Variants in POU2F3 observed in about 807,000 individuals in gnomAD.
POU2F3 encodes the protein POU class 2 homeobox 3, also known as POU domain, class 2, transcription factor 3.
In POU2F3, 23 loss-of-function variants were observed where a neutral mutation model predicts 59.2. The ratio of observed to expected loss-of-function variants is 0.39; its 90% CI spans 0.28 to 0.55. POU2F3 has a LOEUF of 0.55. Ranked by LOEUF, POU2F3 falls within the 20% of genes least tolerant of loss-of-function variation. POU2F3 has a pLI of 0.66. For synonymous variants in POU2F3, 190 were observed against 214.6 expected (o/e 0.89, Z 1.00); for missense variants, 473 against 544.5 (o/e 0.87, Z 1.31).
chr11:120,274,686 A>C (rs929197946), intron 3 of POU2F3, among the ~76,000 whole-genome samples: 1 of 152,192 alleles, frequency 6.6e-6, no homozygotes, highest in African/African-American at 2.4e-5. Flanking sequence ...GACAGGCAGG[A>C]CTGAAGATGC....
intron 3 of POU2F3, among the ~76,000 whole-genome samples, chr11:120,280,248 G>A (rs975711155): frequency 1.3e-5 from 2 of 152,152 alleles, no homozygotes; most frequent in Admixed American, 1.3e-4. Flanking sequence ...ACAGGCAGTG[G>A]GTTGAGTGCT....
chr11:120,257,334 T>C (rs987521991), intron 2 of POU2F3, among the ~76,000 whole-genome samples: 4 of 151,944 alleles, frequency 2.6e-5, no homozygotes, highest in Non-Finnish European at 5.9e-5. Context: ...TTTGGTTTTG[T>C]TCCTTTCTGC....
At chr11:120,263,099 C>T (rs1379712419) in intron 2 of POU2F3, among the ~76,000 whole-genome samples, 1 of 152,094 alleles carries the variant, frequency 6.6e-6, no homozygotes, top group African/African-American at 2.4e-5. Flanking sequence ...TCAAGCAATT[C>T]TCCTGCCTCA....
At chr11:120,310,549 G>C (rs1941624922) in intron 10 of POU2F3, among the ~76,000 whole-genome samples, 1 of 152,162 alleles carries the variant, frequency 6.6e-6, no homozygotes, top group Non-Finnish European at 1.5e-5. Context: ...ATGAAGTTTA[G>C]GGGGCAGGAA....
At chr11:120,273,448 T>G (rs1011241260) in intron 3 of POU2F3, among the ~76,000 whole-genome samples, 3 of 152,156 alleles carry the variant, frequency 2.0e-5, no homozygotes, top group Non-Finnish European at 4.4e-5. Flanking sequence ...GGCAGGAATA[T>G]TCCAGGCCTA....
At position 120,318,461 on chromosome 11, in the gene POU2F3, A is replaced by G. The variant is rs1941844058; in HGVS notation, c.*69A>G. 15 of 1,432,468 alleles carry G rather than the reference A, an allele frequency of 1.0e-5. No individual in the cohort carries two copies. Among genetic ancestry groups the G allele is most frequent in the African/African-American group, 1.4e-5 (1 of 70,954 alleles). 88.7% of individuals were successfully genotyped at this position (1,432,468 alleles called of 1,614,324 possible). On this transcript the variant is annotated 3_prime_UTR_variant, in exon 13 of 13. Transcript: ENST00000543440. ...TGGAAGGAAGGGAATCATGCCTTCT[A>G]TATACAGACAGATTGCCTTCAGAAG...
chr11:120,263,658 T>C (rs1203609194), intron 2 of POU2F3, among the ~76,000 whole-genome samples: 1 of 152,244 alleles, frequency 6.6e-6, no homozygotes, highest in Non-Finnish European at 1.5e-5. Flanking sequence ...GCTGTTGTCC[T>C]GGTTCAGGTT....
At chr11:120,257,163 G>GTT (rs1368371476) in intron 2 of POU2F3, among the ~76,000 whole-genome samples, 3 of 152,180 alleles carry the variant, frequency 2.0e-5, no homozygotes, top group African/African-American at 7.2e-5. Context: ...CTGCCAAAGT[G>GTT]TTGGAAAATT....
chr11:120,282,977 A>G (rs1181346279), intron 3 of POU2F3, among the ~76,000 whole-genome samples: 1 of 152,222 alleles, frequency 6.6e-6, no homozygotes, highest in Non-Finnish European at 1.5e-5. Flanking sequence ...GGCAGTAAAC[A>G]TGGGTTCCTG....
intron 2 of POU2F3, among the ~76,000 whole-genome samples, chr11:120,255,839 G>A (rs918565746): frequency 1.3e-5 from 2 of 152,284 alleles, no homozygotes; most frequent in South Asian, 2.1e-4. Context: ...GGACCACTGC[G>A]TGAATTCTGG....
At chr11:120,270,045 T>G (rs1340195156) in intron 3 of POU2F3, among the ~76,000 whole-genome samples, 1 of 151,498 alleles carries the variant, frequency 6.6e-6, no homozygotes, top group African/African-American at 2.4e-5. Flanking sequence ...AGTCCTAGAG[T>G]GAGGGAGAGG....
At position 120,318,626 on chromosome 11, in the gene POU2F3, A is replaced by G; in HGVS notation, c.*234A>G. 2.1e-6 allele frequency: 1 copy of G among 477,574 alleles called. No individual in the cohort carries two copies. The allele number at this position is 477,574 out of a possible 1,614,324, so 29.6% of individuals were successfully genotyped here. A position where few individuals can be genotyped will look rare whatever the true frequency, so the allele number is the denominator to read the frequency against. ...AATACACAGCCCCTCCTAGGAGCTT[A>G]CCATTTTCACCTTCCTTGCCTATGC... On this transcript the variant is annotated 3_prime_UTR_variant, in exon 13 of 13. Coordinates refer to ENST00000543440, the MANE Select transcript of POU2F3 (RefSeq NM_014352.4).
intron 9 of POU2F3, among the ~76,000 whole-genome samples, chr11:120,308,073 C>A (rs977784416): frequency 3.3e-5 from 5 of 152,124 alleles, no homozygotes; most frequent in African/African-American, 9.7e-5. Context: ...AGAAAAAAAA[C>A]GCCCATCGCC....
chr11:120,270,163 T>C (rs1205974633), intron 3 of POU2F3, among the ~76,000 whole-genome samples: 2 of 152,200 alleles, frequency 1.3e-5, no homozygotes, highest in Non-Finnish European at 2.9e-5. Flanking sequence ...GTCTGAGTTT[T>C]CTCAACTGAA....
At chr11:120,304,913 A>G in intron 6 of POU2F3, 117 bp from the exon 7 acceptor site, 1 of 743,326 alleles carries the variant, frequency 1.3e-6, no homozygotes, top group Non-Finnish European at 2.0e-6. Flanking sequence ...GTATCCAGGG[A>G]TCTGTCATCC....
At chr11:120,268,111 C>A (rs557028917) in intron 2 of POU2F3, among the ~76,000 whole-genome samples, 1 of 151,920 alleles carries the variant, frequency 6.6e-6, no homozygotes, top group Non-Finnish European at 1.5e-5. Flanking sequence ...AGCATAGAAG[C>A]ATTTATGATG....
intron 1 of POU2F3, among the ~76,000 whole-genome samples, chr11:120,242,499 T>C (rs939985472): frequency 1.3e-5 from 2 of 152,188 alleles, no homozygotes; most frequent in African/African-American, 2.4e-5. Context: ...TAATCCTGTA[T>C]CCTACTGATC....
chr11:120,309,485 G>A lies in POU2F3; in HGVS notation c.967G>A (p.Glu323Lys). The A allele has an allele frequency of 6.2e-7, 1 of 1,614,064 alleles. No individual in the cohort carries two copies. The highest frequency in any genetic ancestry group is 8.5e-7 in the Non-Finnish European group (1 of 1,179,946). The change falls in exon 10 of 13, where the codon GAG becomes AAG. Residue 323 changes from glutamate (E) to lysine (K), a missense_variant. By Grantham distance (56) the Glu-to-Lys change is moderately conservative (BLOSUM62 1). Transcript: ENST00000543440. ...TGCAGAGCAGTTGTCCATGGAGAAG[G>A]AGGTGGTGAGGGTCTGGTTCTGCAA... is the stretch of plus-strand genomic sequence containing the variant. ...MIAEQLSMEK[E>K]VVRVWFCNRR...
chr11:120,308,796 G>C lies in POU2F3; in HGVS notation c.907-629G>C, dbSNP rs923429294. 3.3e-5 allele frequency among the ~76,000 whole-genome samples: 5 copies of C among 151,740 alleles called. 1 individual carries two copies. The highest frequency in any genetic ancestry group is 3.3e-4 in the Admixed American group (5 of 15,246). ...CTACTTAAAGTACAAAAATTAGCTGGGCGTGGTGATGTATGCCTGTAATCC... is the reference window on the plus strand; with the variant it reads ...CTACTTAAAGTACAAAAATTAGCTGCGCGTGGTGATGTATGCCTGTAATCC... On this transcript the variant is annotated intron_variant, in intron 9 of 12. Transcript: ENST00000543440.
Sources: gnomAD v4.1 joint callset for allele counts (sites outside exome capture counted in the v4.1 genomes callset) on GRCh38, gnomAD v4.1.1 for gene constraint, MANE v1.5 for transcripts, NCBI Gene and HGNC (gene_info 2026-07-23, HGNC 2026-07-21) for gene names.